The following DNASE2B variants were observed in gnomAD, a reference collection of about 807,000 sequenced individuals.
DNASE2B encodes the protein deoxyribonuclease-2-beta.
Under a neutral mutation model 46.0 loss-of-function variants are expected in DNASE2B, and 43 were observed. That is an observed-to-expected ratio of 0.94 (90% confidence interval 0.73 to 1.21). DNASE2B has a LOEUF of 1.21. Among genes scored for constraint, DNASE2B ranks in the 50% most tolerant of loss-of-function variants. DNASE2B has a pLI of 0.00. For missense variants in DNASE2B, 395 were observed against 414.4 expected (o/e 0.95, Z 0.41); for synonymous variants, 156 against 152.5 (o/e 1.02, Z -0.17).
chr1:84,414,754 C>A lies in DNASE2B; in HGVS notation c.972C>A (p.Asp324Glu). The A allele has an allele frequency of 6.2e-7, 1 of 1,614,172 alleles. No individual in the cohort carries two copies. Among genetic ancestry groups the A allele is most frequent in the Non-Finnish European group, 8.5e-7 (1 of 1,180,014 alleles). ...GTKNRWTCIGDLNRSPHQAFR... is the reference protein window; with the variant it reads ...GTKNRWTCIGELNRSPHQAFR... ...AAAATCGCTGGACATGTATTGGAGACCTAAATCGGAGTCCACACCAAGCCT... is the reference window on the plus strand; with the variant it reads ...AAAATCGCTGGACATGTATTGGAGAACTAAATCGGAGTCCACACCAAGCCT... The change falls in exon 6 of 6, where the codon GAC becomes GAA. Residue 324 changes from aspartate to glutamate, a missense_variant. Asp to Glu is a conservative substitution (Grantham distance 45). Coordinates refer to ENST00000370665, the MANE Select transcript of DNASE2B (RefSeq NM_021233.3).
intron 2 of DNASE2B, among the ~76,000 whole-genome samples, chr1:84,406,610 T>C (rs1558500140): frequency 6.6e-6 from 1 of 152,158 alleles, no homozygotes; most frequent in African/African-American, 2.4e-5. Flanking sequence ...TGATTGGTTC[T>C]GGGGGGAAAA....
In DNASE2B at chr1:84,408,514, C is replaced by G; in HGVS notation, c.381C>G (p.Thr127=). The change falls in exon 3 of 6, where the codon ACC becomes ACG. Residue 127 remains threonine, a synonymous_variant. Transcript: ENST00000370665. ...PVNYSRKYGH[T]KGLLLWNRVQ... ...ATTACAGCAGAAAGTATGGACACACCAAAGGTATGACAAAGATTCTTGGTT... is the reference window on the plus strand; with the variant it reads ...ATTACAGCAGAAAGTATGGACACACGAAAGGTATGACAAAGATTCTTGGTT... 1 of 1,607,366 alleles carries G rather than the reference C, an allele frequency of 6.2e-7. No homozygotes were observed. Among genetic ancestry groups the G allele is most frequent in the Non-Finnish European group, 8.5e-7 (1 of 1,176,940 alleles).
At chr1:84,404,343 C>T (rs959008751) in intron 2 of DNASE2B, among the ~76,000 whole-genome samples, 1 of 152,152 alleles carries the variant, frequency 6.6e-6, no homozygotes, top group Non-Finnish European at 1.5e-5. Context: ...TTGATTGACT[C>T]TGTCATAAAT....
At chr1:84,413,855 A>G (rs1362677202) in intron 5 of DNASE2B, among the ~76,000 whole-genome samples, 1 of 152,140 alleles carries the variant, frequency 6.6e-6, no homozygotes, top group African/African-American at 2.4e-5. Context: ...CTGCATAGTT[A>G]CCCAGTCACT....
Position 84,408,444 on chromosome 1 carries a change from A to C in DNASE2B, c.311A>C (p.Asn104Thr), listed in dbSNP as rs771962654. The change falls in exon 3 of 6, where the codon AAC (asparagine) becomes ACC (threonine). Residue 104 changes from asparagine (N) to threonine (T), a missense_variant. By Grantham distance (65) the Asn-to-Thr change is moderately conservative. Transcript: ENST00000370665. ...LYEAYASKSN[N>T]TAYLIYNDGV... ...CCTAATATATTCCTGCAGAGTAACA[A>C]CACAGCCTATCTAATATACAATGAT... is the stretch of plus-strand genomic sequence containing the variant. 15 of 1,608,928 alleles carry C rather than the reference A, an allele frequency of 9.3e-6. No homozygotes were observed. The Admixed American group carries it at 2.5e-4, about 27-fold the overall frequency.
intron 1 of DNASE2B, among the ~76,000 whole-genome samples, chr1:84,400,377 A>AG (rs1680384264): frequency 6.6e-6 from 1 of 152,220 alleles, no homozygotes; most frequent in Non-Finnish European, 1.5e-5. Context: ...TCAAAAAAAA[A>AG]CAAAAAACAA....
At chr1:84,413,650 C>A (rs1447045881) in intron 5 of DNASE2B, among the ~76,000 whole-genome samples, 3 of 152,190 alleles carry the variant, frequency 2.0e-5, no homozygotes, top group Non-Finnish European at 4.4e-5. Flanking sequence ...TCTCATTCTA[C>A]ATACCCATGC....
intron 4 of DNASE2B, among the ~76,000 whole-genome samples, chr1:84,411,635 C>G (rs1319308548): frequency 1.3e-5 from 2 of 151,996 alleles, no homozygotes; most frequent in Admixed American, 6.6e-5. Context: ...TCAAGCTCAG[C>G]GAAAAATTCT....
At chr1:84,404,836 G>A (rs1367869475) in intron 2 of DNASE2B, among the ~76,000 whole-genome samples, 1 of 152,184 alleles carries the variant, frequency 6.6e-6, no homozygotes, top group Non-Finnish European at 1.5e-5. Context: ...TCAAGAGTTA[G>A]CAGCTTTATA....
intron 1 of DNASE2B, among the ~76,000 whole-genome samples, chr1:84,401,172 T>C (rs634531): frequency 0.63 from 95,246 of 152,002 alleles, 29,901 homozygotes; most frequent in Middle Eastern, 0.67. Flanking sequence ...GAGATAATTT[T>C]GATTGTCACA....
At chr1:84,404,772 CA>C (rs1680472666) in intron 2 of DNASE2B, among the ~76,000 whole-genome samples, 1 of 152,136 alleles carries the variant, frequency 6.6e-6, no homozygotes, top group African/African-American at 2.4e-5. Context: ...TTTTGTTGCC[CA>C]GGCCTTCTTA....
chr1:84,402,948 C>G (rs1185432790), intron 2 of DNASE2B, among the ~76,000 whole-genome samples: 2 of 152,168 alleles, frequency 1.3e-5, no homozygotes, highest in Non-Finnish European at 2.9e-5. Context: ...TAGCCTCTGG[C>G]ACTGCACATG....
chr1:84,412,953 A>ACC (rs373659020), intron 5 of DNASE2B, among the ~76,000 whole-genome samples: 40 of 140,282 alleles, frequency 2.9e-4, no homozygotes, highest in Admixed American at 7.8e-4. Flanking sequence ...TCTATATGCT[A>ACC]CCCCCCCCCC....
At chr1:84,401,300 C>G (rs952101749) in intron 1 of DNASE2B, among the ~76,000 whole-genome samples, 3 of 152,168 alleles carry the variant, frequency 2.0e-5, no homozygotes, top group African/African-American at 7.2e-5. Context: ...CTGAGAAACG[C>G]TGAGCTAGGT....
intron 5 of DNASE2B, among the ~76,000 whole-genome samples, chr1:84,414,132 T>A (rs956210242): frequency 2.6e-5 from 4 of 152,180 alleles, no homozygotes; most frequent in Non-Finnish European, 2.9e-5. Flanking sequence ...TTACTAACAT[T>A]CCTTTAAAAA....
rs201242462 is a variant in DNASE2B, at chr1:84,410,796, T to A, written c.386-42T>A. ...CTGTGAACCCTATTATAAAAGAAGC[T>A]TTGTTTTTCTGATTTATCTTTGTTA... On this transcript the variant is annotated intron_variant, in intron 3 of 5. Transcript: ENST00000370665. 22 of 1,583,500 alleles carry A rather than the reference T, an allele frequency of 1.4e-5. No homozygotes were observed. In the East Asian group the frequency reaches 5.0e-4, roughly 36 times the overall value.
intron 2 of DNASE2B, among the ~76,000 whole-genome samples, chr1:84,405,313 T>G (rs1278882051): frequency 6.6e-6 from 1 of 152,220 alleles, no homozygotes; most frequent in Non-Finnish European, 1.5e-5. Context: ...GCATTTTAAT[T>G]TTAAGTATGA....
At chr1:84,406,428 T>C (rs930277994) in intron 2 of DNASE2B, among the ~76,000 whole-genome samples, 26 of 152,118 alleles carry the variant, frequency 1.7e-4, no homozygotes, top group African/African-American at 6.0e-4. Flanking sequence ...CCCCACACCC[T>C]AGCAGGGAGA....
chr1:84,398,725 A>C (rs1297176503), intron 1 of DNASE2B, 36 bp downstream of exon 1: 3 of 1,611,344 alleles, frequency 1.9e-6, no homozygotes, highest in Non-Finnish European at 2.5e-6. Context: ...CTGCATGCAA[A>C]CAGCCTCGGT....
Sources: gnomAD v4.1 joint callset for allele counts (sites outside exome capture counted in the v4.1 genomes callset) on GRCh38, gnomAD v4.1.1 for gene constraint, MANE v1.5 for transcripts, NCBI Gene and HGNC (gene_info 2026-07-23, HGNC 2026-07-21) for gene names.